The following PRKCQ variants were observed in gnomAD, a reference collection of about 807,000 sequenced individuals.
The protein encoded by PRKCQ is protein kinase C theta type.
Under a neutral mutation model 91.2 loss-of-function variants are expected in PRKCQ, and 41 were observed. That is an observed-to-expected ratio of 0.45 (90% CI 0.35 to 0.58). PRKCQ has a LOEUF of 0.58. PRKCQ is among the 20% of genes least tolerant of loss of function. PRKCQ has a pLI of 0.00. For synonymous variants in PRKCQ, 307 were observed against 316.9 expected, an observed-to-expected ratio of 0.97 and a Z score of 0.33; for missense variants, 673 against 896.5, an observed-to-expected ratio of 0.75 and a Z score of 3.18.
chr10:6,480,416 G>A (rs1836532909), intron 11 of PRKCQ, among the ~76,000 whole-genome samples: 1 of 152,182 alleles, frequency 6.6e-6, no homozygotes. Flanking sequence ...TATATCAAAG[G>A]ACACCAGATG....
chr10:6,561,369 C>CAA (rs3086735), intron 1 of PRKCQ, among the ~76,000 whole-genome samples: 5 of 82,638 alleles, frequency 6.1e-5, no homozygotes, highest in African/African-American at 9.7e-5. Flanking sequence ...GACCCTGTCT[C>CAA]AAAAAAAAAA....
chr10:6,487,396 G>A (rs1035578468), intron 8 of PRKCQ, among the ~76,000 whole-genome samples: 5 of 152,212 alleles, frequency 3.3e-5, no homozygotes, highest in African/African-American at 1.2e-4. Flanking sequence ...TCAGGTGGGT[G>A]GAGAACGGGG....
At position 6,435,666 on chromosome 10, in the gene PRKCQ, C is replaced by T. The variant is rs578148363; in HGVS notation, c.1837-4728G>A. 2.0e-5 allele frequency among the ~76,000 whole-genome samples: 3 copies of T among 152,312 alleles called. No individual in the cohort carries two copies. In the South Asian group the frequency reaches 6.2e-4, roughly 32 times the overall value. ...TTGGAAGAAGGATTGTCTTGGGCCACACCTAAAATACACTAACACTAACAA... is the reference window on the plus strand; with the variant it reads ...TTGGAAGAAGGATTGTCTTGGGCCATACCTAAAATACACTAACACTAACAA... On this transcript the variant is annotated intron_variant, in intron 16 of 17. Transcript: ENST00000263125.
Position 6,428,043 on chromosome 10 carries a change from T to TG in PRKCQ, c.*163dup. On this transcript the variant is annotated 3_prime_UTR_variant, in exon 18 of 18. Transcript: ENST00000263125. ...GGCATCGTCATTAGTGAAGTAGACT[T>TG]GGTTTCTGCTACAGATAAAAGTCAC... The TG allele has an allele frequency of 1.3e-6, 1 of 790,730 alleles. No individual in the cohort carries two copies. The highest frequency in any genetic ancestry group is 2.0e-6 in the Non-Finnish European group (1 of 502,958). 49.0% of individuals were successfully genotyped at this position (790,730 alleles called of 1,614,324 possible).
intron 1 of PRKCQ, among the ~76,000 whole-genome samples, chr10:6,555,614 A>T (rs999211381): frequency 1.3e-5 from 2 of 152,234 alleles, no homozygotes; most frequent in South Asian, 4.1e-4. Flanking sequence ...GCTTCAGCTG[A>T]TTTGAATCAC....
chr10:6,453,737 G>A lies in PRKCQ; in HGVS notation c.1647+2937C>T, dbSNP rs979409523. Among the ~76,000 whole-genome samples the A allele has an allele frequency of 8.7e-5, 11 of 126,972 alleles. No individual in the cohort carries two copies. The East Asian group carries it at 1.6e-3, about 18-fold the overall frequency. 83.3% of individuals were successfully genotyped at this position (126,972 alleles called of 152,430 possible). A position where few individuals can be genotyped will look rare whatever the true frequency, so the allele number is the denominator to read the frequency against. Reference sequence around the variant, plus strand: ...CATATACACCATGGAATACTATGCAGCCATAAAAAAATGATGAGTTCATGT... The same window carrying A: ...CATATACACCATGGAATACTATGCAACCATAAAAAAATGATGAGTTCATGT... On this transcript the variant is annotated intron_variant, in intron 15 of 17. Transcript: ENST00000263125.
intron 13 of PRKCQ, among the ~76,000 whole-genome samples, chr10:6,463,692 A>G (rs990355355): frequency 6.6e-6 from 1 of 152,162 alleles, no homozygotes; most frequent in African/African-American, 2.4e-5. Flanking sequence ...TGTACTCATC[A>G]TTTTCCAAGG....
chr10:6,449,176 A>C (rs2132284106), intron 15 of PRKCQ, among the ~76,000 whole-genome samples: 1 of 150,152 alleles, frequency 6.7e-6, no homozygotes, highest in East Asian at 2.0e-4. Flanking sequence ...AAGAAGTTGA[A>C]AACTTTGAAA....
chr10:6,492,455 A>G (rs1167637893), intron 7 of PRKCQ, among the ~76,000 whole-genome samples: 3 of 152,198 alleles, frequency 2.0e-5, no homozygotes, highest in Admixed American at 6.5e-5. Context: ...ACCCCTTTTG[A>G]AGTCGCTTCT....
At chr10:6,395,350 C>G in the PRKCQ span, among the ~76,000 whole-genome samples, 1 of 152,084 alleles carries the variant, frequency 6.6e-6, no homozygotes, top group Non-Finnish European at 1.5e-5. Flanking sequence ...AGGCGTGAAC[C>G]AGCGCGCCCG....
the PRKCQ span, among the ~76,000 whole-genome samples, chr10:6,419,678 A>G: frequency 1.4e-5 from 2 of 139,564 alleles, no homozygotes; most frequent in South Asian, 4.5e-4. Context: ...GACAGAACTG[A>G]AATCTCCTTT....
In PRKCQ at chr10:6,540,515, C is replaced by G. The variant is rs1464976152; in HGVS notation, c.-9-25371G>C. On this transcript the variant is annotated intron_variant, in intron 1 of 17. Transcript: ENST00000263125. The stretch of plus-strand genomic sequence containing the variant: ...TGTCCTTTGTTTCTGGATCATCTCA[C>G]TTAGCATCATGTTTTTAAGGTTCAT... Among the ~76,000 whole-genome samples, 5 of 152,180 alleles carry G rather than the reference C, an allele frequency of 3.3e-5. No individual in the cohort carries two copies. In the East Asian group the frequency reaches 9.6e-4, roughly 29 times the overall value.
chr10:6,400,108 A>G, the PRKCQ span, among the ~76,000 whole-genome samples: 2 of 152,264 alleles, frequency 1.3e-5, no homozygotes, highest in African/African-American at 4.8e-5. Context: ...TGCCCAAGTT[A>G]GAATGGGGCT....
intron 1 of PRKCQ, among the ~76,000 whole-genome samples, chr10:6,521,543 G>GAATGGGGCTGGCTCAA (rs1336326858): frequency 2.0e-5 from 3 of 152,220 alleles, no homozygotes; most frequent in Admixed American, 6.5e-5. Flanking sequence ...AAGGTGCTTA[G>GAATGGGGCTGGCTCAA]AATGGGGCTG....
the PRKCQ span, among the ~76,000 whole-genome samples, chr10:6,418,923 CATTT>C: frequency 3.3e-5 from 5 of 152,006 alleles, no homozygotes; most frequent in Admixed American, 2.6e-4. Context: ...TCTGTCCATT[CATTT>C]ATCTCATCTC....
chr10:6,534,723 G>A (rs545448974), intron 1 of PRKCQ, among the ~76,000 whole-genome samples: 1 of 148,354 alleles, frequency 6.7e-6, no homozygotes, highest in Admixed American at 6.7e-5. Context: ...ATTACTTATT[G>A]AAACAAAGAT....
intron 9 of PRKCQ, 45 bp from the exon 10 acceptor site, chr10:6,485,314 G>T: frequency 6.9e-7 from 1 of 1,458,264 alleles, no homozygotes. Flanking sequence ...ACCCACCATT[G>T]ATGGAACAGC....
chr10:6,536,577 T>TA (rs1238080611), intron 1 of PRKCQ, among the ~76,000 whole-genome samples: 2 of 152,196 alleles, frequency 1.3e-5, no homozygotes, highest in Admixed American at 1.3e-4. Context: ...TATTATGCTC[T>TA]AAAAATCTCT....
chr10:6,428,176 A>G lies in PRKCQ; in HGVS notation c.*31T>C. 1.2e-6 allele frequency: 2 copies of G among 1,613,894 alleles called. No homozygotes were observed. Among genetic ancestry groups the G allele is most frequent in the Non-Finnish European group, 1.7e-6 (2 of 1,179,966 alleles). On this transcript the variant is annotated 3_prime_UTR_variant, in exon 18 of 18. Coordinates refer to ENST00000263125, the MANE Select transcript of PRKCQ (RefSeq NM_006257.5). The stretch of plus-strand genomic sequence containing the variant: ...TTGAACCAGTTCCCAGGGAGAAGGC[A>G]AATTCTTTCCTGTCTCTGGAGGGGC...
Sources: gnomAD v4.1 joint callset for allele counts (sites outside exome capture counted in the v4.1 genomes callset) on GRCh38, gnomAD v4.1.1 for gene constraint, MANE v1.5 for transcripts, NCBI Gene and HGNC (gene_info 2026-07-23, HGNC 2026-07-21) for gene names.